Variants in HSD11B1 observed in about 807,000 individuals in gnomAD.
HSD11B1 encodes 11-beta-hydroxysteroid dehydrogenase 1.
Under a neutral mutation model 22.1 loss-of-function variants are expected in HSD11B1, and 15 were observed. The observed-to-expected ratio is 0.68, with a 90% CI of 0.45 to 1.04. The LOEUF (loss-of-function observed/expected upper bound fraction) is 1.04, where lower values mean the gene tolerates loss of function less well. HSD11B1 is among the 50% of genes least tolerant of loss of function. The pLI, the probability that HSD11B1 is intolerant of heterozygous loss-of-function variation, is 0.00. For synonymous variants in HSD11B1, 122 were observed against 125.2 expected (o/e 0.97, Z 0.17); for missense variants, 281 against 357.6 (o/e 0.79, Z 1.73).
At chr1:209,718,582 A>G (rs1004281197) in intron 4 of HSD11B1, among the ~76,000 whole-genome samples, 1 of 152,158 alleles carries the variant, frequency 6.6e-6, no homozygotes, top group Non-Finnish European at 1.5e-5. Context: ...AATAGCAAGT[A>G]TTGGTGAGAA....
At chr1:209,705,608 G>C (rs2076853031) in intron 1 of HSD11B1, among the ~76,000 whole-genome samples, 1 of 152,214 alleles carries the variant, frequency 6.6e-6, no homozygotes, top group Admixed American at 6.5e-5. Flanking sequence ...TAGGGAGGCT[G>C]TCAGCCCAAA....
intron 1 of HSD11B1, among the ~76,000 whole-genome samples, chr1:209,699,697 C>T (rs1304583049): frequency 1.3e-5 from 2 of 152,152 alleles, no homozygotes; most frequent in Non-Finnish European, 2.9e-5. Context: ...CAGCATTAAC[C>T]CAAAAGTCCA....
intron 5 of HSD11B1, 60 bp downstream of exon 5, chr1:209,732,639 T>G (rs2077042615): frequency 7.2e-7 from 1 of 1,395,144 alleles, no homozygotes; most frequent in Admixed American, 1.7e-5. Flanking sequence ...AGGGTACATG[T>G]GCAGAACATG....
chr1:209,705,145 A>G, intron 1 of HSD11B1, 115 bp downstream of exon 1: 1 of 841,170 alleles, frequency 1.2e-6, no homozygotes, highest in African/African-American at 1.7e-5. Context: ...AAAATGAGGG[A>G]ACCCTGAGTT....
At chr1:209,703,813 A>G (rs1447484406), upstream of HSD11B1, among the ~76,000 whole-genome samples, 1 of 152,134 alleles carries the variant, frequency 6.6e-6, no homozygotes, top group African/African-American at 2.4e-5. Context: ...CTGCATTGTG[A>G]TGGGGTAATT....
chr1:209,705,039 C>T lies in HSD11B1; in HGVS notation c.88+9C>T, dbSNP rs750723070. ...CGAGGAATTCAGACCAGGTAAGTAC[C>T]CATGCGTCTCATTTTGGAGGAATAG... On this transcript the variant is annotated intron_variant, in intron 1 of 5. Coordinates refer to ENST00000367027, the MANE Select transcript of HSD11B1 (RefSeq NM_005525.4). 1.2e-6 allele frequency: 2 copies of T among 1,604,558 alleles called. No individual in the cohort carries two copies. The highest frequency in any genetic ancestry group is 1.1e-5 in the South Asian group (1 of 90,860).
intron 4 of HSD11B1, among the ~76,000 whole-genome samples, chr1:209,708,563 C>T (rs1374873361): frequency 6.6e-6 from 1 of 152,166 alleles, no homozygotes; most frequent in African/African-American, 2.4e-5. Flanking sequence ...GGAGAGCTTC[C>T]AGATGCATAC....
intron 1 of HSD11B1, among the ~76,000 whole-genome samples, chr1:209,690,111 T>C (rs1292581603): frequency 2.0e-5 from 3 of 151,022 alleles, no homozygotes; most frequent in African/African-American, 7.3e-5. Context: ...AACCCAGGAG[T>C]TCAAGACCAG....
At chr1:209,704,780 C>A, upstream of HSD11B1, 1 of 623,718 alleles carries the variant, frequency 1.6e-6, no homozygotes, top group Non-Finnish European at 2.9e-6. Context: ...AAGCCAATCG[C>A]TGCTCTGACA....
intron 4 of HSD11B1, among the ~76,000 whole-genome samples, chr1:209,716,191 G>A (rs907125499): frequency 4.0e-5 from 6 of 151,816 alleles, no homozygotes; most frequent in East Asian, 1.9e-4. Flanking sequence ...AAGCCTAAAC[G>A]CTCCACAAAA....
chr1:209,713,793 G>A (rs77525180), intron 4 of HSD11B1, among the ~76,000 whole-genome samples: 2,438 of 152,316 alleles, frequency 0.016, 89 homozygotes, highest in African/African-American at 0.056. Context: ...GATTTTAAAA[G>A]TGTGTATGTG....
chr1:209,730,606 G>A (rs2077029591), intron 4 of HSD11B1, among the ~76,000 whole-genome samples: 1 of 152,160 alleles, frequency 6.6e-6, no homozygotes, highest in Admixed American at 6.5e-5. Context: ...ATTAAAGAAG[G>A]AGGAATGGAT....
Position 209,732,456 on chromosome 1 carries a change from G to A in HSD11B1, c.538G>A (p.Val180Ile), listed in dbSNP as rs1181789518. The change falls in exon 5 of 6, where the codon GTT (valine) becomes ATT (isoleucine). Residue 180 changes from valine (V) to isoleucine (I), a missense_variant. Coordinates refer to ENST00000367027, the MANE Select transcript of HSD11B1 (RefSeq NM_005525.4). Reference sequence around the variant, plus strand: ...TTTAGGGAAAGTGGCTTATCCAATGGTTGCTGCCTATTCTGCAAGCAAGTT... The same window carrying A: ...TTTAGGGAAAGTGGCTTATCCAATGATTGCTGCCTATTCTGCAAGCAAGTT... Reference protein sequence around the residue: ...SLAGKVAYPMVAAYSASKFAL... With the variant: ...SLAGKVAYPMIAAYSASKFAL... 2 of 1,613,922 alleles carry A rather than the reference G, an allele frequency of 1.2e-6. No individual in the cohort carries two copies. Among genetic ancestry groups the A allele is most frequent in the East Asian group, 2.2e-5 (1 of 44,892 alleles).
chr1:209,699,832 C>G (rs2076816056), intron 1 of HSD11B1, among the ~76,000 whole-genome samples: 1 of 152,136 alleles, frequency 6.6e-6, no homozygotes, highest in African/African-American at 2.4e-5. Flanking sequence ...ACAGCCATTC[C>G]AAATGGGAGA....
upstream of HSD11B1, among the ~76,000 whole-genome samples, chr1:209,704,473 G>C (rs2076843950): frequency 6.6e-6 from 1 of 151,802 alleles, no homozygotes; most frequent in South Asian, 2.1e-4. Flanking sequence ...GGGGGACTGA[G>C]AGTGAGATTT....
At chr1:209,686,964 C>T (rs577610089) in intron 1 of HSD11B1, among the ~76,000 whole-genome samples, 1 of 152,146 alleles carries the variant, frequency 6.6e-6, no homozygotes, top group Non-Finnish European at 1.5e-5. Context: ...GAGCCCTAAA[C>T]GGGCCTTTTC....
At chr1:209,689,564 C>A (rs1052666932) in intron 1 of HSD11B1, among the ~76,000 whole-genome samples, 2 of 152,094 alleles carry the variant, frequency 1.3e-5, no homozygotes, top group South Asian at 2.1e-4. Flanking sequence ...GGGGTGAATC[C>A]CTCATGAATG....
At chr1:209,689,786 C>G (rs2076748564) in intron 1 of HSD11B1, among the ~76,000 whole-genome samples, 1 of 152,140 alleles carries the variant, frequency 6.6e-6, no homozygotes, top group Admixed American at 6.5e-5. Flanking sequence ...AAACCATAAG[C>G]CAAACAGAAC....
chr1:209,707,567 G>C (rs962442719), intron 4 of HSD11B1, among the ~76,000 whole-genome samples: 1 of 151,972 alleles, frequency 6.6e-6, no homozygotes, highest in Non-Finnish European at 1.5e-5. Flanking sequence ...CTGAGTAAAG[G>C]AGACACTGTT....
Sources: gnomAD v4.1 joint callset for allele counts (sites outside exome capture counted in the v4.1 genomes callset) on GRCh38, gnomAD v4.1.1 for gene constraint, MANE v1.5 for transcripts, NCBI Gene and HGNC (gene_info 2026-07-23, HGNC 2026-07-21) for gene names.